Variants in NBPF15 observed in about 807,000 individuals in gnomAD.
NBPF15 encodes NBPF family member NBPF15.
Under a neutral mutation model 62.2 loss-of-function variants are expected in NBPF15, and 74 were observed. The ratio of observed to expected loss-of-function variants is 1.19; its 90% CI spans 0.99 to 1.44. NBPF15 has a LOEUF of 1.44. Ranked by LOEUF, NBPF15 falls within the 40% of genes most tolerant of loss-of-function variation. NBPF15 has a pLI of 0.00. For synonymous variants in NBPF15, 244 were observed against 209.7 expected, an observed-to-expected ratio of 1.16 and a Z score of -1.41; for missense variants, 790 against 550.0, an observed-to-expected ratio of 1.44 and a Z score of -4.36.
At position 144,425,578 on chromosome 1, in the gene NBPF15, A is replaced by T; in HGVS notation, c.1439-10T>A. 8 of 567,426 alleles carry T rather than the reference A, an allele frequency of 1.4e-5. No homozygotes were observed. Among genetic ancestry groups the T allele is most frequent in the South Asian group, 5.3e-5 (3 of 57,038 alleles). 35.1% of individuals were successfully genotyped at this position (567,426 alleles called of 1,614,324 possible). A position where few individuals can be genotyped will look rare whatever the true frequency, so the allele number is the denominator to read the frequency against. Reference sequence around the variant, plus strand: ...TGGTCCTTTTTAATTCCTGCAATACATTCAGACAGGGACAGACAAAATAAG... The same window carrying T: ...TGGTCCTTTTTAATTCCTGCAATACTTTCAGACAGGGACAGACAAAATAAG... On this transcript the variant is annotated splice_polypyrimidine_tract_variant and intron_variant, in intron 18 of 21. Coordinates refer to ENST00000581897, the MANE Select transcript of NBPF15 (RefSeq NM_001385408.1).
chr1:144,423,749 T>A (rs1667460071), intron 21 of NBPF15, 121 bp downstream of exon 21: 2 of 695,828 alleles, frequency 2.9e-6, no homozygotes, highest in Non-Finnish European at 2.6e-6. Context: ...CCAACAGCAA[T>A]GACAGTAGGA....
chr1:144,443,629 G>T (rs1168309445), intron 6 of NBPF15, among the ~76,000 whole-genome samples: 1 of 151,780 alleles, frequency 6.6e-6, no homozygotes, highest in Non-Finnish European at 1.5e-5. Flanking sequence ...CCTTGTACCT[G>T]CTTCATTGCA....
intron 8 of NBPF15, among the ~76,000 whole-genome samples, chr1:144,438,419 A>C (rs1680285414): frequency 6.6e-6 from 1 of 151,966 alleles, no homozygotes; most frequent in Non-Finnish European, 1.5e-5. Flanking sequence ...TTTCTCGTAC[A>C]GTCGGGAAGG....
chr1:144,429,032 T>C (rs1316265309), intron 14 of NBPF15, among the ~76,000 whole-genome samples: 10 of 152,096 alleles, frequency 6.6e-5, no homozygotes, highest in African/African-American at 1.7e-4. Context: ...GTTTATGAGA[T>C]TGTGGACACA....
chr1:144,423,290 G>T, intron 21 of NBPF15, 34 bp from the exon 22 acceptor site: 1 of 1,611,288 alleles, frequency 6.2e-7, no homozygotes, highest in Non-Finnish European at 8.5e-7. Flanking sequence ...GAAGCAGCCA[G>T]GGAAAATCAG....
intron 13 of NBPF15, among the ~76,000 whole-genome samples, chr1:144,432,187 G>A (rs1289759421): frequency 4.6e-5 from 7 of 151,940 alleles, no homozygotes; most frequent in Non-Finnish European, 8.8e-5. Flanking sequence ...TTTCAACCCA[G>A]AATTTCATAT....
chr1:144,442,171 T>G (rs1683634077), intron 6 of NBPF15, among the ~76,000 whole-genome samples: 1 of 114,316 alleles, frequency 8.7e-6, no homozygotes, highest in African/African-American at 3.6e-5. Flanking sequence ...TGTATATATA[T>G]ATATATATAA....
intron 17 of NBPF15, among the ~76,000 whole-genome samples, chr1:144,426,681 C>A (rs1252010607): frequency 6.6e-6 from 1 of 151,240 alleles, no homozygotes; most frequent in East Asian, 1.9e-4. Context: ...GTGAGCTCAG[C>A]GAATTGGCCG....
At chr1:144,434,788 T>C (rs1293398736) in intron 12 of NBPF15, among the ~76,000 whole-genome samples, 2 of 151,866 alleles carry the variant, frequency 1.3e-5, no homozygotes, top group Non-Finnish European at 2.9e-5. Flanking sequence ...CCATGGGCAT[T>C]GTTCAGGGAC....
intron 4 of NBPF15, among the ~76,000 whole-genome samples, chr1:144,451,495 T>A (rs1553545513): frequency 6.6e-6 from 1 of 151,808 alleles, no homozygotes; most frequent in South Asian, 2.1e-4. Flanking sequence ...CCCACGAGGC[T>A]GTATTTCAGA....
chr1:144,422,945 A>G lies in NBPF15; in HGVS notation c.*68T>C, dbSNP rs1571099219. The G allele has an allele frequency of 1.2e-6, 2 of 1,611,546 alleles. No individual in the cohort carries two copies. The highest frequency in any genetic ancestry group is 2.2e-5 in the East Asian group (1 of 44,860). ...GGCTTCCAAATGGAACTGTACTTTCATTCAAATCTTCTCGTGCCTATAGGT... is the reference window on the plus strand; with the variant it reads ...GGCTTCCAAATGGAACTGTACTTTCGTTCAAATCTTCTCGTGCCTATAGGT... On this transcript the variant is annotated 3_prime_UTR_variant, in exon 22 of 22. Coordinates refer to ENST00000581897, the MANE Select transcript of NBPF15 (RefSeq NM_001385408.1).
At chr1:144,432,190 T>G (rs1674866774) in intron 13 of NBPF15, among the ~76,000 whole-genome samples, 1 of 151,996 alleles carries the variant, frequency 6.6e-6, no homozygotes, top group Non-Finnish European at 1.5e-5. Context: ...CAACCCAGAA[T>G]TTCATATCCA....
chr1:144,444,920 G>T (rs2102429292), intron 6 of NBPF15, among the ~76,000 whole-genome samples: 1 of 152,006 alleles, frequency 6.6e-6, no homozygotes, highest in East Asian at 1.9e-4. Flanking sequence ...TCTGATTTGT[G>T]TTATGTTTAA....
At chr1:144,435,517 G>A (rs1677559717) in intron 11 of NBPF15, among the ~76,000 whole-genome samples, 1 of 151,556 alleles carries the variant, frequency 6.6e-6, no homozygotes, top group Non-Finnish European at 1.5e-5. Flanking sequence ...GAGGAAGAGA[G>A]CAGCTGCTGT....
At chr1:144,448,541 A>C (rs1317115976) in intron 6 of NBPF15, among the ~76,000 whole-genome samples, 1 of 152,148 alleles carries the variant, frequency 6.6e-6, no homozygotes. Flanking sequence ...TTTTGCAATA[A>C]AACCTTAAGA....
At chr1:144,443,374 T>A (rs1406371977) in intron 6 of NBPF15, among the ~76,000 whole-genome samples, 5 of 151,974 alleles carry the variant, frequency 3.3e-5, no homozygotes, top group African/African-American at 1.2e-4. Flanking sequence ...AAATCAGGTT[T>A]GAAATCTAGC....
intron 13 of NBPF15, among the ~76,000 whole-genome samples, chr1:144,433,097 C>A (rs28869541): frequency 3.3e-5 from 5 of 151,980 alleles, no homozygotes; most frequent in Admixed American, 6.6e-5. Context: ...GAAATCACAA[C>A]AAACTGTCAG....
At chr1:144,455,874 C>G (rs1426040778) in intron 4 of NBPF15, among the ~76,000 whole-genome samples, 1 of 152,026 alleles carries the variant, frequency 6.6e-6, no homozygotes, top group Non-Finnish European at 1.5e-5. Flanking sequence ...ATAGTCACCC[C>G]ATGAATGCTC....
At chr1:144,442,179 T>A (rs1309569609) in intron 6 of NBPF15, among the ~76,000 whole-genome samples, 7 of 92,202 alleles carry the variant, frequency 7.6e-5, no homozygotes, top group Non-Finnish European at 6.2e-5. Context: ...TATATATATA[T>A]AATATATATA....
Sources: allele counts gnomAD v4.1 joint callset (sites outside exome capture counted in the v4.1 genomes callset), GRCh38; gene constraint gnomAD v4.1.1; transcripts MANE v1.5; gene names NCBI Gene and HGNC (gene_info 2026-07-23, HGNC 2026-07-21).